The following NCAM2 variants were observed in gnomAD, a reference collection of about 807,000 sequenced individuals.
The protein encoded by NCAM2 is neural cell adhesion molecule 2, also known as N-CAM-2.
In NCAM2, 30 loss-of-function variants were observed where a neutral mutation model predicts 98.1. The ratio of observed to expected loss-of-function variants is 0.31; its 90% CI spans 0.23 to 0.41. NCAM2 has a LOEUF of 0.41. Among genes scored for constraint, NCAM2 ranks in the 10% least tolerant of loss-of-function variants. NCAM2 has a pLI of 1.00. For missense variants in NCAM2, 867 were observed against 1,005.8 expected, an observed-to-expected ratio of 0.86 and a Z score of 1.87; for synonymous variants, 368 against 342.4, an observed-to-expected ratio of 1.07 and a Z score of -0.83.
At chr21:21,437,209 G>C (rs1337614294) in intron 12 of NCAM2, among the ~76,000 whole-genome samples, 1 of 152,092 alleles carries the variant, frequency 6.6e-6, no homozygotes, top group East Asian at 1.9e-4. Flanking sequence ...TATGCCGGGA[G>C]TTGTCGTTGT....
chr21:21,351,134 A>AG lies in NCAM2; in HGVS notation c.1044+12600_1044+12601insG, dbSNP rs1555878336. ...CTCTGTCTCAAAAAAAAAAAAAAAA[A>AG]AAAAAAAAGAAACTTTTCTAATATC... On this transcript the variant is annotated intron_variant, in intron 8 of 17. Transcript: ENST00000400546. Among the ~76,000 whole-genome samples, 216 of 150,198 alleles carry AG rather than the reference A, an allele frequency of 1.4e-3. 2 individuals carry two copies. Among genetic ancestry groups the AG allele is most frequent in the African/African-American group, 5.2e-3 (212 of 41,150 alleles).
At chr21:21,061,464 C>T (rs1170230102) in intron 1 of NCAM2, among the ~76,000 whole-genome samples, 1 of 151,990 alleles carries the variant, frequency 6.6e-6, no homozygotes, top group Non-Finnish European at 1.5e-5. Flanking sequence ...TTCATGATAC[C>T]TTTCTTATCT....
intron 9 of NCAM2, among the ~76,000 whole-genome samples, chr21:21,374,350 ATAT>A (rs758843078): frequency 2.0e-5 from 3 of 151,850 alleles, no homozygotes; most frequent in Non-Finnish European, 2.9e-5. Flanking sequence ...TTTCTTTATA[ATAT>A]TTATGATTAT....
rs183987198 is a variant in NCAM2, at chr21:21,481,372, A to G, written c.2077+3901A>G. On this transcript the variant is annotated intron_variant, in intron 15 of 17. Transcript: ENST00000400546. ...GTATCTTGGAAGTTAACAAAGGGTCATATTTCAAGAAGAATAGATGTAAAG... is the reference window on the plus strand; with the variant it reads ...GTATCTTGGAAGTTAACAAAGGGTCGTATTTCAAGAAGAATAGATGTAAAG... 5.9e-3 allele frequency among the ~76,000 whole-genome samples: 901 copies of G among 152,340 alleles called. 3 individuals are homozygous for G. The highest frequency in any genetic ancestry group is 9.1e-3 in the Non-Finnish European group (618 of 68,030).
At chr21:21,450,809 C>T (rs1407862803) in intron 12 of NCAM2, among the ~76,000 whole-genome samples, 49 of 151,116 alleles carry the variant, frequency 3.2e-4, no homozygotes, top group South Asian at 2.1e-3. Context: ...CACACACACA[C>T]ACACACACAC....
At chr21:21,157,932 G>A (rs563189164) in intron 1 of NCAM2, among the ~76,000 whole-genome samples, 2 of 152,102 alleles carry the variant, frequency 1.3e-5, no homozygotes, top group African/African-American at 4.8e-5. Context: ...TAATACAAAA[G>A]ATGTTTGTAT....
intron 1 of NCAM2, among the ~76,000 whole-genome samples, chr21:21,172,192 G>A (rs1012330818): frequency 1.3e-5 from 2 of 151,132 alleles, no homozygotes; most frequent in African/African-American, 2.4e-5. Flanking sequence ...TCATCAGTTT[G>A]GTAAATTAAG....
At chr21:21,170,209 A>G (rs968260140) in intron 1 of NCAM2, among the ~76,000 whole-genome samples, 1 of 152,116 alleles carries the variant, frequency 6.6e-6, no homozygotes, top group Admixed American at 6.5e-5. Context: ...TTCTTACAAA[A>G]CTAAGCATAT....
intron 5 of NCAM2, among the ~76,000 whole-genome samples, chr21:21,314,733 T>G (rs1435382004): frequency 1.3e-5 from 2 of 151,536 alleles, no homozygotes; most frequent in Non-Finnish European, 2.9e-5. Context: ...ACTCTCTCTG[T>G]CAATCAATTC....
chr21:21,424,661 G>A (rs531523627), intron 11 of NCAM2, among the ~76,000 whole-genome samples: 1 of 152,270 alleles, frequency 6.6e-6, no homozygotes, highest in South Asian at 2.1e-4. Context: ...GACTGGAAGG[G>A]TATATTGTAT....
chr21:21,467,519 G>A (rs749440362), intron 13 of NCAM2, among the ~76,000 whole-genome samples: 1 of 150,760 alleles, frequency 6.6e-6, no homozygotes, highest in Non-Finnish European at 1.5e-5. Context: ...AATCTGTCAG[G>A]TAAGTTTCTT....
intron 1 of NCAM2, among the ~76,000 whole-genome samples, chr21:21,070,669 A>T (rs1180704809): frequency 6.6e-6 from 1 of 152,174 alleles, no homozygotes; most frequent in Admixed American, 6.6e-5. Context: ...CTACTTTTAA[A>T]TAGGGAGATT....
Position 21,540,002 on chromosome 21 carries a change from G to C in NCAM2, c.*2045G>C, listed in dbSNP as rs1391807780. Reference sequence around the variant, plus strand: ...GTGCAAAGTGTACAAGCTTAGTAAAGTGTCCATGAAGCAATAGCCATGAAT... The same window carrying C: ...GTGCAAAGTGTACAAGCTTAGTAAACTGTCCATGAAGCAATAGCCATGAAT... On this transcript the variant is annotated 3_prime_UTR_variant, in exon 18 of 18. Coordinates refer to ENST00000400546, the MANE Select transcript of NCAM2 (RefSeq NM_004540.5). 4 of 152,104 alleles carry C rather than the reference G, an allele frequency of 2.6e-5. No individual in the cohort carries two copies. In the South Asian group the frequency reaches 6.2e-4, roughly 24 times the overall value. The allele number at this position is 152,104 out of a possible 1,614,324, so 9.4% of individuals were successfully genotyped here.
chr21:21,534,793 T>G lies in NCAM2; in HGVS notation c.2402+137T>G, dbSNP rs188169423. 2.3e-5 allele frequency: 20 copies of G among 877,902 alleles called. No homozygotes were observed. In the East Asian group the frequency reaches 6.7e-4, roughly 29 times the overall value. The allele number at this position is 877,902 out of a possible 1,614,324, so 54.4% of individuals were successfully genotyped here. The stretch of plus-strand genomic sequence containing the variant: ...CTTTTACTTTTTTGATGAAAGTACA[T>G]GTGAATATCTAAAATCCATTTTCTA... On this transcript the variant is annotated intron_variant, in intron 17 of 17. Coordinates refer to ENST00000400546, the MANE Select transcript of NCAM2 (RefSeq NM_004540.5).
At chr21:21,036,294 T>C (rs952773011) in intron 1 of NCAM2, among the ~76,000 whole-genome samples, 5 of 152,206 alleles carry the variant, frequency 3.3e-5, no homozygotes, top group African/African-American at 1.2e-4. Flanking sequence ...TCTCAGTTTC[T>C]GAATAACTCA....
At chr21:21,534,494 T>C (rs1456310423) in intron 16 of NCAM2, 43 bp from the exon 17 acceptor site, 3 of 1,438,462 alleles carry the variant, frequency 2.1e-6, no homozygotes, top group Non-Finnish European at 2.8e-6. Flanking sequence ...AATGCATCCA[T>C]TTTTAAATTA....
chr21:21,397,186 G>A (rs1370749604), intron 9 of NCAM2, among the ~76,000 whole-genome samples: 3 of 152,100 alleles, frequency 2.0e-5, no homozygotes, highest in Admixed American at 6.6e-5. Context: ...ATTGGTCCAT[G>A]GTTGGCCATG....
At chr21:21,327,728 C>A (rs1209471370) in intron 6 of NCAM2, among the ~76,000 whole-genome samples, 1 of 152,138 alleles carries the variant, frequency 6.6e-6, no homozygotes, top group Non-Finnish European at 1.5e-5. Context: ...ACTTAATGTC[C>A]TCCATGGAGG....
intron 16 of NCAM2, among the ~76,000 whole-genome samples, chr21:21,512,735 T>A (rs1368136550): frequency 3.3e-5 from 5 of 152,048 alleles, no homozygotes; most frequent in Non-Finnish European, 7.4e-5. Context: ...AAATGCCTTT[T>A]AATTTTTGTG....
Sources: allele counts gnomAD v4.1 joint callset (sites outside exome capture counted in the v4.1 genomes callset), GRCh38; gene constraint gnomAD v4.1.1; transcripts MANE v1.5; gene names NCBI Gene and HGNC (gene_info 2026-07-23, HGNC 2026-07-21).